DCTN2: variants seen among roughly 807,000 people sequenced by gnomAD.
DCTN2 encodes 50 kDa dynein-associated polypeptide.
A neutral mutation model predicts 55.4 loss-of-function variants in DCTN2; 18 were observed. That is an observed-to-expected ratio of 0.32 (90% CI 0.22 to 0.48). The LOEUF (loss-of-function observed/expected upper bound fraction) is 0.48, where lower values mean the gene tolerates loss of function less well. DCTN2 is among the 20% of genes least tolerant of loss of function. The pLI is 0.99. For missense variants in DCTN2, 390 were observed against 491.0 expected, an observed-to-expected ratio of 0.79 and a Z score of 1.94; for synonymous variants, 168 against 185.2, an observed-to-expected ratio of 0.91 and a Z score of 0.76.
At chr12:57,533,193 G>A (rs1292308041) in intron 8 of DCTN2, 45 bp downstream of exon 8, 8 of 1,602,172 alleles carry the variant, frequency 5.0e-6, no homozygotes, top group Non-Finnish European at 6.0e-6. Context: ...AAGGCCTAGA[G>A]TTGCAGGATC....
intron 13 of DCTN2, 79 bp from the exon 14 acceptor site, chr12:57,530,854 G>A: frequency 8.1e-7 from 1 of 1,232,652 alleles, no homozygotes; most frequent in South Asian, 1.2e-5. Context: ...AATTCTCTGA[G>A]AGAGAAGACA....
chr12:57,538,965 T>C (rs1360865735), intron 2 of DCTN2, among the ~76,000 whole-genome samples: 2 of 152,230 alleles, frequency 1.3e-5, no homozygotes, highest in East Asian at 1.9e-4. Flanking sequence ...TTGTAGCTGA[T>C]AGAGGGTCAA....
intron 2 of DCTN2, chr12:57,538,694 C>A (rs966880723): frequency 1.7e-5 from 10 of 589,694 alleles, no homozygotes; most frequent in Non-Finnish European, 3.1e-5. Context: ...GGGAGCCTAG[C>A]GAAATTTAGG....
chr12:57,537,884 C>G (rs1880375227), intron 2 of DCTN2, among the ~76,000 whole-genome samples: 1 of 152,282 alleles, frequency 6.6e-6, no homozygotes, highest in African/African-American at 2.4e-5. Flanking sequence ...AGGGCTCAGG[C>G]TAAGGATAGA....
Position 57,546,004 on chromosome 12 carries a change from GTCTGTGGCAGCACACAT to G in DCTN2, c.105+7_105+23del. The G allele has an allele frequency of 6.2e-7, 1 of 1,612,162 alleles. No homozygotes were observed. Among genetic ancestry groups the G allele is most frequent in the South Asian group, 1.1e-5 (1 of 91,042 alleles). The stretch of plus-strand genomic sequence containing the variant: ...GGGAGAAAGGTCAGAGTCCGGAGGA[GTCTGTGGCAGCACACAT>G]TCTTACCGCATCGAACTCCGCTTGA... On this transcript the variant is annotated splice_region_variant and intron_variant, in intron 2 of 13. Transcript: ENST00000548249.
In DCTN2 at chr12:57,530,733, T is replaced by C; in HGVS notation, c.1162A>G (p.Asn388Asp). 6.2e-7 allele frequency: 1 copy of C among 1,613,942 alleles called. No homozygotes were observed. Among genetic ancestry groups the C allele is most frequent in the East Asian group, 2.2e-5 (1 of 44,878 alleles). The change falls in exon 14 of 14, where the codon AAC becomes GAC. Residue 388 changes from asparagine (N) to aspartate (D), a missense_variant. Around this residue, in one of 2 missense-constraint regions of DCTN2, gnomAD observed 273 missense variants for 303.2 expected, o/e 0.90. Transcript: ENST00000548249. ...ATCCGTTCATCAATGCTGGCAAAGT[T>C]CCCCTCAACTGTGGCCAGGTTTTCA... ...MRENLATVEGNFASIDERMKK... is the reference protein window; with the variant it reads ...MRENLATVEGDFASIDERMKK...
rs1171596287 is a variant in DCTN2 at position 57,544,394 on chromosome 12, TG to T, written c.105+1633del. ...GTTGTTATATTGTATTTTTAAATTT[TG>T]TTTTTTTTTTTATTGTTGTACTGGT... On this transcript the variant is annotated intron_variant, in intron 2 of 13. Coordinates refer to ENST00000548249, the MANE Select transcript of DCTN2 (RefSeq NM_001261413.2). Among the ~76,000 whole-genome samples, 14 of 38,574 alleles carry T rather than the reference TG, an allele frequency of 3.6e-4. No homozygotes were observed. In the South Asian group the frequency reaches 4.9e-3, roughly 13 times the overall value. 25.3% of individuals were successfully genotyped at this position (38,574 alleles called of 152,430 possible). A position where few individuals can be genotyped will look rare whatever the true frequency, so the allele number is the denominator to read the frequency against.
Position 57,534,326 on chromosome 12 carries a change from T to C in DCTN2, c.490A>G (p.Ile164Val), listed in dbSNP as rs2140121202. ...GCGCCATCGGGGTCGGTAAGGTTGATTGCAGCATCTGGTCCCAGCAGCTTC... is the reference window on the plus strand; with the variant it reads ...GCGCCATCGGGGTCGGTAAGGTTGACTGCAGCATCTGGTCCCAGCAGCTTC... ...LEKLLGPDAA[I>V]NLTDPDGALA... Residue 164 changes from isoleucine to valine, a missense_variant, in exon 6 of 14, where the codon ATC becomes GTC. Ile to Val is a conservative substitution (Grantham distance 29). This residue lies in a region of DCTN2 where 273 missense variants were observed against 303.2 expected (regional missense o/e 0.90). Coordinates refer to ENST00000548249, the MANE Select transcript of DCTN2 (RefSeq NM_001261413.2). The C allele has an allele frequency of 1.9e-6, 3 of 1,606,988 alleles. No homozygotes were observed. Among genetic ancestry groups the C allele is most frequent in the Non-Finnish European group, 1.7e-6 (2 of 1,175,232 alleles).
At chr12:57,545,924 T>C (rs979459110) in intron 2 of DCTN2, 104 bp downstream of exon 2, 8 of 1,192,024 alleles carry the variant, frequency 6.7e-6, no homozygotes, top group African/African-American at 6.1e-5. Context: ...CAGGCTGGGG[T>C]TGGCATACCC....
In DCTN2 at chr12:57,534,470, A is replaced by G; in HGVS notation, c.364-18T>C. The G allele has an allele frequency of 6.4e-7, 1 of 1,568,108 alleles. No individual in the cohort carries two copies. Among genetic ancestry groups the G allele is most frequent in the South Asian group, 1.2e-5 (1 of 86,068 alleles). On this transcript the variant is annotated intron_variant, in intron 5 of 13. Transcript: ENST00000548249. ...ACTGTCGTCTAGTATGAAAAAAGGT[A>G]GAAATCGGGGGATGGCAAGAATGAA...
chr12:57,547,144 G>A lies in DCTN2; in HGVS notation c.-81C>T. 1 of 1,186,632 alleles carries A rather than the reference G, an allele frequency of 8.4e-7. No homozygotes were observed. The highest frequency in any genetic ancestry group is 1.1e-6 in the Non-Finnish European group (1 of 932,424). 73.5% of individuals were successfully genotyped at this position (1,186,632 alleles called of 1,614,324 possible). A position where few individuals can be genotyped will look rare whatever the true frequency, so the allele number is the denominator to read the frequency against. ...TCGGGTAGGGGAGAGGCTGGGTTCG[G>A]GTCCCGGGCTAAGGCGGCGGCAAAG... On this transcript the variant is annotated 5_prime_UTR_variant, in exon 1 of 14. Transcript: ENST00000548249.
At chr12:57,541,865 G>A (rs1022236913) in intron 2 of DCTN2, among the ~76,000 whole-genome samples, 1 of 152,190 alleles carries the variant, frequency 6.6e-6, no homozygotes, top group African/African-American at 2.4e-5. Flanking sequence ...TGTCTGAAGT[G>A]CAAAGAGATC....
At chr12:57,533,849 G>A in intron 7 of DCTN2, 104 bp downstream of exon 7, 1 of 1,201,352 alleles carries the variant, frequency 8.3e-7, no homozygotes, top group Non-Finnish European at 1.2e-6. Flanking sequence ...AGGAATCAGA[G>A]GAATCAGAAG....
chr12:57,543,557 T>C (rs1293402678), intron 2 of DCTN2, among the ~76,000 whole-genome samples: 2 of 152,050 alleles, frequency 1.3e-5, no homozygotes, highest in Non-Finnish European at 2.9e-5. Flanking sequence ...TTTACGTCAG[T>C]ATTAAAAGCA....
At chr12:57,533,095 G>C in intron 8 of DCTN2, 73 bp from the exon 9 acceptor site, 1 of 1,558,972 alleles carries the variant, frequency 6.4e-7, no homozygotes, top group Non-Finnish European at 8.7e-7. Context: ...CATCTTTCCT[G>C]GTTCTAGCTG....
At chr12:57,537,773 G>C (rs1880364253) in intron 2 of DCTN2, among the ~76,000 whole-genome samples, 1 of 152,148 alleles carries the variant, frequency 6.6e-6, no homozygotes, top group East Asian at 1.9e-4. Flanking sequence ...AGAGACATTT[G>C]AGTCCCAAAT....
At chr12:57,539,981 G>T (rs1252070382) in intron 2 of DCTN2, 1 of 549,022 alleles carries the variant, frequency 1.8e-6, no homozygotes, top group Non-Finnish European at 2.3e-6. Flanking sequence ...GAACCCGGCA[G>T]GCGGAGGTTG....
At chr12:57,538,337 G>A (rs776911008) in intron 2 of DCTN2, 12 of 654,588 alleles carry the variant, frequency 1.8e-5, no homozygotes, top group Middle Eastern at 2.4e-4. Flanking sequence ...CTCCAGCAGT[G>A]TCTTGAAGAT....
chr12:57,532,717 T>C lies in DCTN2; in HGVS notation c.852+16A>G, dbSNP rs1405116784. On this transcript the variant is annotated intron_variant, in intron 10 of 13. Transcript: ENST00000548249. ...TCCCAAGCTATCCATAATTTAATTT[T>C]CCCTCCATTTAATACCTGTAGCCGA... 1.9e-6 allele frequency: 3 copies of C among 1,613,740 alleles called. No homozygotes were observed. The South Asian group carries it at 3.3e-5, about 18-fold the overall frequency.
Sources: allele counts gnomAD v4.1 joint callset (sites outside exome capture counted in the v4.1 genomes callset), GRCh38; gene constraint gnomAD v4.1.1; regional missense constraint gnomAD v4.1.1; transcripts MANE v1.5; gene names NCBI Gene and HGNC (gene_info 2026-07-23, HGNC 2026-07-21).